RREB1: variants seen among roughly 807,000 people sequenced by gnomAD.
The protein encoded by RREB1 is ras-responsive element-binding protein 1.
A neutral mutation model predicts 117.8 loss-of-function variants in RREB1; 27 were observed. That is an observed-to-expected ratio of 0.23 (90% CI 0.17 to 0.32). The LOEUF (loss-of-function observed/expected upper bound fraction) is 0.32, where lower values mean the gene tolerates loss of function less well. Ranked by LOEUF, RREB1 falls within the 10% of genes least tolerant of loss-of-function variation. The probability of loss-of-function intolerance (pLI) is 1.00; values close to 1 mark genes in which losing one functional copy is unlikely to be tolerated. For synonymous variants in RREB1, 1,298 were observed against 1,026.7 expected, an observed-to-expected ratio of 1.26 and a Z score of -5.05; for missense variants, 2,577 against 2,378.2, an observed-to-expected ratio of 1.08 and a Z score of -1.74.
intron 7 of RREB1, among the ~76,000 whole-genome samples, chr6:7,211,231 C>T (rs1480949130): frequency 3.5e-5 from 5 of 143,174 alleles, no homozygotes; most frequent in Non-Finnish European, 6.0e-5. Context: ...CATAAGCATT[C>T]GGGACTCTTT....
chr6:7,119,663 C>G (rs891179208), intron 1 of RREB1, among the ~76,000 whole-genome samples: 1 of 152,074 alleles, frequency 6.6e-6, no homozygotes, highest in African/African-American at 2.4e-5. Context: ...AGGGATGGTG[C>G]GGTAGATAAG....
At chr6:7,142,763 G>T (rs1209908819) in intron 1 of RREB1, among the ~76,000 whole-genome samples, 2 of 152,240 alleles carry the variant, frequency 1.3e-5, no homozygotes, top group Non-Finnish European at 2.9e-5. Flanking sequence ...TGAGTTCAGT[G>T]ACTTTACGTG....
At chr6:7,165,356 G>A (rs1335459356) in intron 1 of RREB1, among the ~76,000 whole-genome samples, 2 of 152,190 alleles carry the variant, frequency 1.3e-5, no homozygotes, top group East Asian at 3.8e-4. Flanking sequence ...GGAAAGAGTA[G>A]GGATGTCCTT....
intron 1 of RREB1, among the ~76,000 whole-genome samples, chr6:7,115,577 G>T (rs1299850582): frequency 1.3e-5 from 2 of 152,322 alleles, no homozygotes; most frequent in African/African-American, 2.4e-5. Context: ...ATTGGTGTCA[G>T]TCGCACTGAT....
intron 1 of RREB1, among the ~76,000 whole-genome samples, chr6:7,131,095 C>T (rs1234328101): frequency 2.0e-5 from 3 of 151,760 alleles, no homozygotes; most frequent in Admixed American, 6.6e-5. Context: ...CCCGCCACTG[C>T]GCCCGGCTAA....
At chr6:7,119,552 G>A (rs543283373) in intron 1 of RREB1, among the ~76,000 whole-genome samples, 5 of 152,202 alleles carry the variant, frequency 3.3e-5, no homozygotes, top group African/African-American at 1.2e-4. Context: ...GTCAGAAAAC[G>A]GCTTGTACAA....
intron 1 of RREB1, among the ~76,000 whole-genome samples, chr6:7,111,156 GT>G (rs1761123204): frequency 6.6e-6 from 1 of 152,244 alleles, no homozygotes; most frequent in Non-Finnish European, 1.5e-5. Flanking sequence ...ATCAACAGCA[GT>G]TTATTGGTTA....
At chr6:7,186,832 G>C (rs1765107468) in intron 4 of RREB1, among the ~76,000 whole-genome samples, 1 of 152,208 alleles carries the variant, frequency 6.6e-6, no homozygotes, top group Non-Finnish European at 1.5e-5. Context: ...GTCGTGATAA[G>C]GACAGCAATT....
chr6:7,145,774 T>G (rs1762826586), intron 1 of RREB1, among the ~76,000 whole-genome samples: 1 of 151,178 alleles, frequency 6.6e-6, no homozygotes, highest in South Asian at 2.1e-4. Context: ...ATGACCAAAA[T>G]TATGGGTTTA....
chr6:7,116,713 G>T (rs952061902), intron 1 of RREB1, among the ~76,000 whole-genome samples: 3 of 152,210 alleles, frequency 2.0e-5, no homozygotes, highest in African/African-American at 7.2e-5. Context: ...AGGTGGGAAA[G>T]AATTAAGTTC....
chr6:7,228,650 A>G (rs941318168), intron 9 of RREB1, among the ~76,000 whole-genome samples: 1 of 151,738 alleles, frequency 6.6e-6, no homozygotes, highest in Non-Finnish European at 1.5e-5. Flanking sequence ...GGACACAGGC[A>G]TGTACCACCA....
At chr6:7,220,265 A>G (rs1423481148) in intron 8 of RREB1, among the ~76,000 whole-genome samples, 1 of 152,254 alleles carries the variant, frequency 6.6e-6, no homozygotes, top group Non-Finnish European at 1.5e-5. Context: ...GCTCTTGTGC[A>G]CTGTCTTGGT....
chr6:7,144,614 C>CT (rs10718610), intron 1 of RREB1, among the ~76,000 whole-genome samples: 5,844 of 143,658 alleles, frequency 0.041, 298 homozygotes, highest in African/African-American at 0.12. Context: ...GACATTATTC[C>CT]TTTTTTTTTT....
intron 1 of RREB1, among the ~76,000 whole-genome samples, chr6:7,172,927 A>G (rs1320378089): frequency 1.3e-5 from 2 of 152,164 alleles, no homozygotes; most frequent in African/African-American, 4.8e-5. Flanking sequence ...AGCCTAGCCA[A>G]GACTCAGCCC....
intron 1 of RREB1, among the ~76,000 whole-genome samples, chr6:7,125,053 C>T (rs1287131996): frequency 2.6e-5 from 4 of 152,228 alleles, no homozygotes; most frequent in African/African-American, 9.6e-5. Context: ...CAGATTACAG[C>T]TTACCAGTGG....
At chr6:7,148,542 TG>T (rs150885492) in intron 1 of RREB1, among the ~76,000 whole-genome samples, 76 of 72,874 alleles carry the variant, frequency 1.0e-3, no homozygotes, top group East Asian at 1.9e-3. Flanking sequence ...AAAAGTAAAG[TG>T]GGGGGGGGTG....
At chr6:7,123,824 G>A (rs1186929557) in intron 1 of RREB1, among the ~76,000 whole-genome samples, 1 of 151,918 alleles carries the variant, frequency 6.6e-6, no homozygotes, top group Non-Finnish European at 1.5e-5. Flanking sequence ...TGTTAGCCAG[G>A]ATGGTCTCAA....
At chr6:7,238,891 C>CT (rs1176406455) in intron 10 of RREB1, among the ~76,000 whole-genome samples, 2 of 152,242 alleles carry the variant, frequency 1.3e-5, no homozygotes, top group Non-Finnish European at 2.9e-5. Context: ...TCCCCTGTCT[C>CT]TGATTATTAC....
chr6:7,230,767 A>G lies in RREB1; in HGVS notation c.2668A>G (p.Ser890Gly). 1.9e-6 allele frequency: 3 copies of G among 1,612,372 alleles called. No homozygotes were observed. The highest frequency in any genetic ancestry group is 2.2e-5 in the East Asian group (1 of 44,842). ...PHVSIKLEPA[S>G]SFAVDFNEPL... ...TGTCTCGATCAAGTTGGAGCCCGCC[A>G]GTAGCTTTGCGGTGGACTTCAATGA... The change falls in exon 10 of 13, where the codon AGT becomes GGT. Residue 890 changes from serine to glycine, a missense_variant. Physicochemically the swap from Ser to Gly is moderately conservative, Grantham distance 56. Transcript: ENST00000379938.
Sources: gnomAD v4.1 joint callset for allele counts (sites outside exome capture counted in the v4.1 genomes callset) on GRCh38, gnomAD v4.1.1 for gene constraint, MANE v1.5 for transcripts, NCBI Gene and HGNC (gene_info 2026-07-23, HGNC 2026-07-21) for gene names.